FRYL: variants seen among roughly 807,000 people sequenced by gnomAD.
FRYL encodes protein furry homolog-like.
Under a neutral mutation model 351.2 loss-of-function variants are expected in FRYL, and 150 were observed. The observed-to-expected ratio is 0.43, with a 90% CI of 0.37 to 0.49. The LOEUF is 0.49. FRYL is among the 20% of genes least tolerant of loss of function. The probability of loss-of-function intolerance (pLI) is 0.00; values close to 1 mark genes in which losing one functional copy is unlikely to be tolerated. For missense variants in FRYL, 3,036 were observed against 3,619.3 expected, an observed-to-expected ratio of 0.84 and a Z score of 4.13; for synonymous variants, 1,153 against 1,257.1, an observed-to-expected ratio of 0.92 and a Z score of 1.75.
intron 59 of FRYL, among the ~76,000 whole-genome samples, chr4:48,508,702 G>A (rs1277557131): frequency 2.6e-5 from 4 of 152,100 alleles, no homozygotes; most frequent in African/African-American, 9.7e-5. Context: ...CATATGTCTT[G>A]CACACTGACT....
intron 1 of FRYL, among the ~76,000 whole-genome samples, chr4:48,773,649 T>C (rs1775736049): frequency 6.6e-6 from 1 of 152,190 alleles, no homozygotes; most frequent in Non-Finnish European, 1.5e-5. Context: ...TTAAAACCTT[T>C]CTACGGTGGC....
At chr4:48,546,669 A>T (rs1368644683) in intron 41 of FRYL, 1 of 193,286 alleles carries the variant, frequency 5.2e-6, no homozygotes, top group Non-Finnish European at 1.1e-5. Context: ...CCATTGCAGA[A>T]AGGCTCATCT....
At chr4:48,666,077 C>G (rs1761663619) in intron 3 of FRYL, among the ~76,000 whole-genome samples, 1 of 152,114 alleles carries the variant, frequency 6.6e-6, no homozygotes, top group South Asian at 2.1e-4. Flanking sequence ...CTTAAGAGGA[C>G]AAGGCCAAGC....
intron 3 of FRYL, among the ~76,000 whole-genome samples, chr4:48,652,689 GT>G (rs1276684620): frequency 1.3e-5 from 2 of 152,118 alleles, no homozygotes; most frequent in Non-Finnish European, 2.9e-5. Flanking sequence ...GAGGGTTTTT[GT>G]TCTCATGTCA....
At chr4:48,528,613 T>A (rs1350586645) in intron 50 of FRYL, among the ~76,000 whole-genome samples, 1 of 152,060 alleles carries the variant, frequency 6.6e-6, no homozygotes, top group Non-Finnish European at 1.5e-5. Context: ...AAAACCACCA[T>A]CTCCACCTTT....
chr4:48,687,436 A>C lies in FRYL; in HGVS notation c.-203-2641T>G, dbSNP rs534444571. 1.6e-4 allele frequency among the ~76,000 whole-genome samples: 22 copies of C among 141,378 alleles called. No individual in the cohort carries two copies. The East Asian group carries it at 2.1e-3, about 13-fold the overall frequency. The allele number at this position is 141,378 out of a possible 152,430, so 92.7% of individuals were successfully genotyped here. ...AATGTGGAAGCTTCCATGTGTAATA[A>C]ATAGTGAACAGTGGTCCAGCTCTGG... is the stretch of plus-strand genomic sequence containing the variant. On this transcript the variant is annotated intron_variant, in intron 2 of 63. Coordinates refer to ENST00000358350, the MANE Select transcript of FRYL (RefSeq NM_015030.2).
At chr4:48,516,568 T>C (rs1202378833) in intron 55 of FRYL, among the ~76,000 whole-genome samples, 1 of 152,122 alleles carries the variant, frequency 6.6e-6, no homozygotes, top group African/African-American at 2.4e-5. Flanking sequence ...TGGATAAAAA[T>C]AGAATTTTCC....
intron 9 of FRYL, among the ~76,000 whole-genome samples, chr4:48,607,312 C>T (rs1747056006): frequency 6.6e-6 from 1 of 152,080 alleles, no homozygotes; most frequent in Admixed American, 6.5e-5. Flanking sequence ...AACCTCAAAA[C>T]ATGCTTTCCA....
intron 27 of FRYL, among the ~76,000 whole-genome samples, chr4:48,568,762 C>T (rs1441330096): frequency 6.6e-6 from 1 of 152,002 alleles, no homozygotes; most frequent in Non-Finnish European, 1.5e-5. Flanking sequence ...TTCCTTTATT[C>T]CTTAAATGAG....
At chr4:48,551,647 CT>C in intron 36 of FRYL, 69 bp from the exon 37 acceptor site, 1 of 945,654 alleles carries the variant, frequency 1.1e-6, no homozygotes, top group South Asian at 1.5e-5. Context: ...AACAAAAGAT[CT>C]CAAATTATAG....
chr4:48,705,848 T>C (rs1041777897), intron 2 of FRYL, among the ~76,000 whole-genome samples: 1 of 152,166 alleles, frequency 6.6e-6, no homozygotes, highest in Non-Finnish European at 1.5e-5. Context: ...CACCTCCTTT[T>C]TTTTTTGACA....
intron 1 of FRYL, among the ~76,000 whole-genome samples, chr4:48,716,543 C>T (rs542646778): frequency 6.6e-6 from 1 of 151,734 alleles, no homozygotes; most frequent in East Asian, 1.9e-4. Flanking sequence ...CATCACTGGC[C>T]ATCAGAGAAA....
At chr4:48,569,848 C>G (rs1389669201) in intron 27 of FRYL, among the ~76,000 whole-genome samples, 4 of 152,098 alleles carry the variant, frequency 2.6e-5, no homozygotes, top group African/African-American at 9.7e-5. Context: ...AAGTCTCGCT[C>G]TTTTCCCAGG....
chr4:48,706,880 A>T (rs1329320950), intron 2 of FRYL, among the ~76,000 whole-genome samples: 1 of 152,206 alleles, frequency 6.6e-6, no homozygotes, highest in Non-Finnish European at 1.5e-5. Flanking sequence ...CACATGAGTG[A>T]GCTTGAAAGC....
At chr4:48,774,767 C>T (rs144635958) in intron 1 of FRYL, among the ~76,000 whole-genome samples, 9 of 152,166 alleles carry the variant, frequency 5.9e-5, no homozygotes, top group African/African-American at 9.6e-5. Flanking sequence ...AGGCTGGTCT[C>T]GAACTCCTAT....
At position 48,565,595 on chromosome 4, in the gene FRYL, GTAAACATGATGC is replaced by G; in HGVS notation, c.3254_3265del (p.Ser1085_Phe1088del). 1 of 1,613,748 alleles carries G rather than the reference GTAAACATGATGC, an allele frequency of 6.2e-7. No homozygotes were observed. Among genetic ancestry groups the G allele is most frequent in the Non-Finnish European group, 8.5e-7 (1 of 1,179,804 alleles). On this transcript the variant is annotated inframe_deletion, in exon 29 of 64. Transcript: ENST00000358350. ...TCTATCACTGTATCTGTCCAAGGGCGTAAACATGATGCTAAAAGGACCTGCCCAGTGACTGAA... is the reference window on the plus strand; with the variant it reads ...TCTATCACTGTATCTGTCCAAGGGCGTAAAAGGACCTGCCCAGTGACTGAA...
intron 1 of FRYL, among the ~76,000 whole-genome samples, chr4:48,742,973 A>ATTTTTTTTTTTT (rs71191256): frequency 0.066 from 5,389 of 81,128 alleles, 895 homozygotes; most frequent in Admixed American, 0.11. Context: ...CGCCTGGATA[A>ATTTTTTTTTTTT]TTTTTTTTTT....
chr4:48,639,613 G>A (rs1031767920), intron 3 of FRYL, among the ~76,000 whole-genome samples: 1 of 152,038 alleles, frequency 6.6e-6, no homozygotes, highest in Non-Finnish European at 1.5e-5. Context: ...AAGTGATCTT[G>A]GGTTTGGAGG....
chr4:48,621,774 T>C (rs1267407989), intron 5 of FRYL, among the ~76,000 whole-genome samples: 3 of 152,164 alleles, frequency 2.0e-5, no homozygotes, highest in African/African-American at 7.2e-5. Flanking sequence ...TGCATAAAAC[T>C]TCATCCAGAA....
Sources: allele counts gnomAD v4.1 joint callset (sites outside exome capture counted in the v4.1 genomes callset), GRCh38; gene constraint gnomAD v4.1.1; transcripts MANE v1.5; gene names NCBI Gene and HGNC (gene_info 2026-07-23, HGNC 2026-07-21).